Variants in FBN3 observed in about 807,000 individuals in gnomAD.
FBN3 encodes fibrillin-3.
In FBN3, 234 loss-of-function variants were observed where a neutral mutation model predicts 330.1. The ratio of observed to expected loss-of-function variants is 0.71; its 90% CI spans 0.64 to 0.79. The LOEUF (loss-of-function observed/expected upper bound fraction) is 0.79. Ranked by LOEUF, FBN3 falls within the 30% of genes least tolerant of loss-of-function variation. The pLI is 0.00. For missense variants in FBN3, 3,606 were observed against 3,886.9 expected (o/e 0.93, Z 1.92); for synonymous variants, 1,458 against 1,517.3 (o/e 0.96, Z 0.91).
In FBN3 at chr19:8,136,365, C is replaced by CA. The variant is rs760359598; in HGVS notation, c.1345+22_1345+23insT. 6.2e-6 allele frequency: 10 copies of CA among 1,609,602 alleles called. No homozygotes were observed. In the South Asian group the frequency reaches 7.7e-5, roughly 12 times the overall value. The stretch of plus-strand genomic sequence containing the variant: ...GAGCAGGGCAGTGAGAACCGCCCCC[C>CA]CTTCCACCTGGCCGCGGCTCACCAA... On this transcript the variant is annotated intron_variant, in intron 11 of 63. Transcript: ENST00000600128.
At chr19:8,135,843 AGAG>A (rs2083264909) in intron 13 of FBN3, 115 bp downstream of exon 13, 1 of 1,140,404 alleles carries the variant, frequency 8.8e-7, no homozygotes, top group African/African-American at 1.5e-5. Flanking sequence ...AGAGGTGAGC[AGAG>A]GAGACGTCGT....
Position 8,129,690 on chromosome 19 carries a change from G to A in FBN3, c.2045-325C>T, listed in dbSNP as rs2083080515. Among the ~76,000 whole-genome samples the A allele has an allele frequency of 6.6e-6, 1 of 152,128 alleles. No homozygotes were observed. The highest frequency in any genetic ancestry group is 1.5e-5 in the Non-Finnish European group (1 of 68,032). The stretch of plus-strand genomic sequence containing the variant: ...CAGACATTGTCAAATGACCTCGGTG[G>A]GGCAGGGGCCAAATTATCTCCAGTT... On this transcript the variant is annotated intron_variant, in intron 16 of 63. Transcript: ENST00000600128. This position sits in a 1 kb window ranked among gnomAD's most constrained non-coding sequence, Gnocchi z 4.5.
Position 8,100,974 on chromosome 19 carries a change from TGC to T in FBN3, c.5090-4_5090-3del. On this transcript the variant is annotated splice_polypyrimidine_tract_variant and splice_region_variant and intron_variant, in intron 40 of 63. Transcript: ENST00000600128. Reference sequence around the variant, plus strand: ...TTCCACACAGGATCTGGTAGTCAGCTGCGCAAAGGGGAACAAAGCTGAGTCTG... The same window carrying T: ...TTCCACACAGGATCTGGTAGTCAGCTGCAAAGGGGAACAAAGCTGAGTCTG... 1 of 1,613,270 alleles carries T rather than the reference TGC, an allele frequency of 6.2e-7. No homozygotes were observed. Among genetic ancestry groups the T allele is most frequent in the Non-Finnish European group, 8.5e-7 (1 of 1,179,558 alleles).
At chr19:8,104,906 TTC>T (rs1027048240) in intron 38 of FBN3, among the ~76,000 whole-genome samples, 2 of 149,494 alleles carry the variant, frequency 1.3e-5, no homozygotes, top group African/African-American at 4.9e-5. Flanking sequence ...TTCTTCCTTC[TTC>T]TCTTTCTTTC....
In FBN3 at chr19:8,149,133, C is replaced by CAA. The variant is rs1483061178; in HGVS notation, c.-18+315_-18+316insTT. 1.3e-5 allele frequency among the ~76,000 whole-genome samples: 2 copies of CAA among 152,010 alleles called. No homozygotes were observed. Among genetic ancestry groups the CAA allele is most frequent in the African/African-American group, 4.8e-5 (2 of 41,408 alleles). On this transcript the variant is annotated intron_variant, in intron 1 of 63. Transcript: ENST00000600128. This position sits in a 1 kb window ranked among gnomAD's most constrained non-coding sequence, Gnocchi z 5.5. ...CCAAGCTTCGCCGACGGGGAGGGGGCGCCCCCGGAGCCCGCGGGGCGCGAT... is the reference window on the plus strand; with the variant it reads ...CCAAGCTTCGCCGACGGGGAGGGGGCAAGCCCCCGGAGCCCGCGGGGCGCGAT...
At chr19:8,141,660 C>T (rs2083417687) in intron 8 of FBN3, 57 bp downstream of exon 8, 3 of 1,551,994 alleles carry the variant, frequency 1.9e-6, no homozygotes, top group South Asian at 1.2e-5. Flanking sequence ...GGAGCCTGAG[C>T]CCCCCAGGTC....
chr19:8,096,073 G>A lies in FBN3; in HGVS notation c.5547C>T (p.Asp1849=), dbSNP rs201513367. 8.7e-5 allele frequency: 141 copies of A among 1,613,032 alleles called. 1 individual carries two copies. Among genetic ancestry groups the A allele is most frequent in the South Asian group, 6.9e-4 (63 of 91,056 alleles). Residue 1849 remains aspartate, a synonymous_variant, in exon 45 of 64, where the codon GAC becomes GAT. Transcript: ENST00000600128. This position sits in a 1 kb window ranked among gnomAD's most constrained non-coding sequence, Gnocchi z 4.6. The part of the protein sequence containing the change: ...SADQTLCMDI[D]ECDRQPCGNG... Reference sequence around the variant, plus strand: ...TTCCACAAGGCTGCCGGTCACACTCGTCAATGTCTGCAGAAGCAAAGCCGA... The same window carrying A: ...TTCCACAAGGCTGCCGGTCACACTCATCAATGTCTGCAGAAGCAAAGCCGA...
Position 8,121,532 on chromosome 19 carries a change from C to T in FBN3, c.3083-146G>A, listed in dbSNP as rs1599391034. 12 of 724,786 alleles carry T rather than the reference C, an allele frequency of 1.7e-5. No homozygotes were observed. In the East Asian group the frequency reaches 3.6e-4, roughly 22 times the overall value. 44.9% of individuals were successfully genotyped at this position (724,786 alleles called of 1,614,324 possible). On this transcript the variant is annotated intron_variant, in intron 24 of 63. Coordinates refer to ENST00000600128, the MANE Select transcript of FBN3 (RefSeq NM_032447.5). This position sits in a 1 kb window ranked among gnomAD's most constrained non-coding sequence, Gnocchi z 4.5. Reference sequence around the variant, plus strand: ...AGGAGGCACAGGCCAAGAGGGGAGGCATGATGCAGGCATGATGGGGTGCCG... The same window carrying T: ...AGGAGGCACAGGCCAAGAGGGGAGGTATGATGCAGGCATGATGGGGTGCCG...
Position 8,144,978 on chromosome 19 carries a change from G to A in FBN3, c.446-6C>T. ...GCAGCCGCGGTCACAGATGGCTGTG[G>A]AGGAGAGAGGGTGATGGCTGGAGGT... On this transcript the variant is annotated splice_polypyrimidine_tract_variant and splice_region_variant and intron_variant, in intron 5 of 63. Transcript: ENST00000600128. The A allele has an allele frequency of 1.9e-6, 3 of 1,606,312 alleles. No homozygotes were observed. Among genetic ancestry groups the A allele is most frequent in the East Asian group, 2.2e-5 (1 of 44,648 alleles).
chr19:8,088,326 T>C, intron 51 of FBN3, 147 bp from the exon 52 acceptor site: 1 of 947,764 alleles, frequency 1.1e-6, no homozygotes, highest in Non-Finnish European at 1.5e-6. Context: ...GCAAGCGGTA[T>C]GTGTTTAGTG....
At chr19:8,145,122 C>T (rs899210) in intron 5 of FBN3, 150 bp from the exon 6 acceptor site, 31,616 of 705,202 alleles carry the variant, frequency 0.045, 933 homozygotes, top group African/African-American at 0.1. Context: ...GCCTGTAATC[C>T]GAGCGCTTTG....
At position 8,116,728 on chromosome 19, in the gene FBN3, G is replaced by C. The variant is rs199643297; in HGVS notation, c.3658C>G (p.Arg1220Gly). 6.2e-7 allele frequency: 1 copy of C among 1,613,992 alleles called. No homozygotes were observed. The highest frequency in any genetic ancestry group is 1.1e-5 in the South Asian group (1 of 91,068). The change falls in exon 29 of 64, where the codon CGC becomes GGC. Residue 1220 changes from arginine (R) to glycine (G), a missense_variant. Arg to Gly is a moderately radical substitution (Grantham distance 125). Coordinates refer to ENST00000600128, the MANE Select transcript of FBN3 (RefSeq NM_032447.5). ...ATGAAGCCATCATAGCACAGGCAGC[G>C]GTGACCCCCTGGCATGTTGGTGCAG... ...GHCTNMPGGH[R>G]CLCYDGFMAT...
intron 13 of FBN3, 26 bp downstream of exon 13, chr19:8,135,935 T>C (rs1036397583): frequency 8.2e-6 from 11 of 1,346,094 alleles, no homozygotes; most frequent in Middle Eastern, 2.6e-4. Context: ...CGGAAGCCCC[T>C]GCCCACCCGC....
At chr19:8,126,091 C>G (rs947889385) in intron 21 of FBN3, 74 bp from the exon 22 acceptor site, 38 of 1,600,280 alleles carry the variant, frequency 2.4e-5, no homozygotes, top group Non-Finnish European at 2.9e-5. Context: ...CCTGGGGTCT[C>G]AAGTTGTCCT....
intron 37 of FBN3, 46 bp downstream of exon 37, chr19:8,108,123 TC>T (rs1473123779): frequency 6.4e-7 from 1 of 1,555,834 alleles, no homozygotes; most frequent in East Asian, 2.3e-5. Context: ...GAGAGAAAAG[TC>T]AGTCTCTAGG....
chr19:8,096,979 C>T lies in FBN3; in HGVS notation c.5315G>A (p.Ser1772Asn). ...GCAGTCAGCATTCTGCTGGCAGGGA[C>T]TCTCCCTGCTGCCACACTCATCGAC... Reference protein sequence around the residue: ...EDVDECGSRESPCQQNADCIN... With the variant: ...EDVDECGSRENPCQQNADCIN... The change falls in exon 43 of 64, where the codon AGT becomes AAT. Residue 1772 changes from serine (S) to asparagine (N), a missense_variant. Transcript: ENST00000600128. This position sits in a 1 kb window ranked among gnomAD's most constrained non-coding sequence, Gnocchi z 4.6. 6.2e-7 allele frequency: 1 copy of T among 1,613,496 alleles called. No individual in the cohort carries two copies. Among genetic ancestry groups the T allele is most frequent in the Non-Finnish European group, 8.5e-7 (1 of 1,179,898 alleles).
Position 8,129,337 on chromosome 19 carries a change from C to T in FBN3, c.2073G>A (p.Glu691=), listed in dbSNP as rs1042970283. 6.2e-7 allele frequency: 1 copy of T among 1,614,158 alleles called. No individual in the cohort carries two copies. Among genetic ancestry groups the T allele is most frequent in the Non-Finnish European group, 8.5e-7 (1 of 1,180,022 alleles). ...TCTCGCACACGCCATTGGCACAAAC[C>T]TCAGGATCCAGAGCACACTCGTTGA... ...RDINECALDP[E]VCANGVCENL... The change falls in exon 17 of 64, where the codon GAG becomes GAA. Residue 691 remains glutamate (E), a synonymous_variant. Transcript: ENST00000600128. This position sits in a 1 kb window ranked among gnomAD's most constrained non-coding sequence, Gnocchi z 4.5.
At chr19:8,073,369 C>A in intron 61 of FBN3, 72 bp from the exon 62 acceptor site, 1 of 1,250,980 alleles carries the variant, frequency 8.0e-7, no homozygotes, top group Non-Finnish European at 1.1e-6. Context: ...CCCCAGAGCC[C>A]TCCACCTGGA....
chr19:8,081,674 A>G (rs1334241055), intron 57 of FBN3, among the ~76,000 whole-genome samples, 194 bp from the exon 58 acceptor site: 1 of 151,996 alleles, frequency 6.6e-6, no homozygotes, highest in African/African-American at 2.4e-5. Context: ...AGATACAACT[A>G]CTCCATGTGG....
Sources: gnomAD v4.1 joint callset for allele counts (sites outside exome capture counted in the v4.1 genomes callset) on GRCh38, gnomAD v4.1.1 for gene constraint, Gnocchi (gnomAD v3.1) non-coding constraint, MANE v1.5 for transcripts, NCBI Gene and HGNC (gene_info 2026-07-23, HGNC 2026-07-21) for gene names.